Variants in SPAG16 observed in about 807,000 individuals in gnomAD.
SPAG16 encodes sperm-associated antigen 16 protein.
SPAG16 carries 86 observed loss-of-function variants against 80.4 expected under a neutral mutation model. The ratio of observed to expected loss-of-function variants is 1.07; its 90% confidence interval spans 0.90 to 1.28. SPAG16 has a LOEUF of 1.28. Among genes scored for constraint, SPAG16 ranks in the 50% most tolerant of loss-of-function variants. The pLI is 0.00. For missense variants in SPAG16, 870 were observed against 765.3 expected, an observed-to-expected ratio of 1.14 and a Z score of -1.61; for synonymous variants, 294 against 265.9, an observed-to-expected ratio of 1.11 and a Z score of -1.03.
At chr2:213,340,667 A>T (rs1208348988) in intron 6 of SPAG16, among the ~76,000 whole-genome samples, 1 of 152,168 alleles carries the variant, frequency 6.6e-6, no homozygotes, top group Non-Finnish European at 1.5e-5. Flanking sequence ...ACATGAAAAA[A>T]CATGTTACGT....
At chr2:213,925,242 T>G (rs1207786031) in intron 11 of SPAG16, among the ~76,000 whole-genome samples, 3 of 152,228 alleles carry the variant, frequency 2.0e-5, no homozygotes, top group Non-Finnish European at 4.4e-5. Flanking sequence ...GTTTGCTCAC[T>G]ATTTCTTCCC....
intron 12 of SPAG16, among the ~76,000 whole-genome samples, chr2:213,965,554 G>T (rs1053050520): frequency 5.9e-5 from 9 of 152,146 alleles, no homozygotes; most frequent in African/African-American, 2.2e-4. Context: ...AGTGAGCTTT[G>T]GTGTGACCAG....
At chr2:213,940,320 C>T (rs959988306) in intron 12 of SPAG16, among the ~76,000 whole-genome samples, 2 of 152,114 alleles carry the variant, frequency 1.3e-5, no homozygotes, top group African/African-American at 4.8e-5. Context: ...GAGATGACAT[C>T]TTGCTGTGTT....
intron 9 of SPAG16, among the ~76,000 whole-genome samples, chr2:213,402,575 C>G (rs952684628): frequency 8.6e-5 from 13 of 150,836 alleles, no homozygotes; most frequent in South Asian, 2.1e-4. Flanking sequence ...ATCCCTCCCC[C>G]CTCCCCACAC....
At chr2:213,913,079 GATAT>G (rs2077752170) in intron 11 of SPAG16, among the ~76,000 whole-genome samples, 1 of 151,888 alleles carries the variant, frequency 6.6e-6, no homozygotes, top group Non-Finnish European at 1.5e-5. Flanking sequence ...CATATATAAT[GATAT>G]ATATAGTATA....
At chr2:214,081,312 A>G (rs562978659) in intron 13 of SPAG16, among the ~76,000 whole-genome samples, 11 of 152,136 alleles carry the variant, frequency 7.2e-5, no homozygotes, top group Non-Finnish European at 1.6e-4. Flanking sequence ...CCCAAAAGAT[A>G]TGTTCAAATC....
chr2:214,275,462 A>C (rs1055475666), intron 15 of SPAG16, among the ~76,000 whole-genome samples: 5 of 152,212 alleles, frequency 3.3e-5, no homozygotes, highest in Non-Finnish European at 5.9e-5. Flanking sequence ...ACACTGCTTT[A>C]AATGTGTCCC....
intron 4 of SPAG16, 72 bp downstream of exon 4, chr2:213,310,249 G>T: frequency 2.0e-6 from 2 of 1,020,152 alleles, no homozygotes; most frequent in Non-Finnish European, 1.4e-6. Flanking sequence ...AAGTGTCTTA[G>T]GAGACTTTGA....
intron 10 of SPAG16, among the ~76,000 whole-genome samples, chr2:213,587,831 G>A (rs1312206587): frequency 6.6e-6 from 1 of 151,932 alleles, no homozygotes; most frequent in African/African-American, 2.4e-5. Flanking sequence ...AAGACAATTC[G>A]GCCAAGTTGT....
At chr2:214,346,635 T>C (rs1698071794) in intron 15 of SPAG16, among the ~76,000 whole-genome samples, 2 of 152,210 alleles carry the variant, frequency 1.3e-5, no homozygotes, top group Admixed American at 6.5e-5. Context: ...TAAAAGGCCA[T>C]GCATTAGCCA....
At chr2:214,173,165 C>G (rs1421456303) in intron 15 of SPAG16, among the ~76,000 whole-genome samples, 1 of 152,038 alleles carries the variant, frequency 6.6e-6, no homozygotes, top group Non-Finnish European at 1.5e-5. Context: ...GACATGAAGT[C>G]CTTGCCCATG....
chr2:214,326,531 T>G (rs16851786), intron 15 of SPAG16, among the ~76,000 whole-genome samples: 9,836 of 140,084 alleles, frequency 0.07, 1,033 homozygotes, highest in African/African-American at 0.22. Context: ...ACAGCTGAAG[T>G]AGGACAGATA....
At chr2:213,588,524 C>T (rs1376566887) in intron 10 of SPAG16, among the ~76,000 whole-genome samples, 1 of 151,052 alleles carries the variant, frequency 6.6e-6, no homozygotes. Context: ...TATCCATGGC[C>T]GGGCGCGGTG....
At chr2:214,135,743 C>G (rs1022314527) in intron 14 of SPAG16, among the ~76,000 whole-genome samples, 1 of 151,836 alleles carries the variant, frequency 6.6e-6, no homozygotes, top group East Asian at 2.0e-4. Context: ...CTCTCTCTCT[C>G]TCTCTCACTC....
chr2:213,449,777 C>T (rs2071577754), intron 9 of SPAG16, among the ~76,000 whole-genome samples: 1 of 151,946 alleles, frequency 6.6e-6, no homozygotes, highest in African/African-American at 2.4e-5. Context: ...CACATACACC[C>T]TGTGAACCTA....
At chr2:213,935,383 A>T (rs2078945314) in intron 12 of SPAG16, among the ~76,000 whole-genome samples, 1 of 152,076 alleles carries the variant, frequency 6.6e-6, no homozygotes, top group Non-Finnish European at 1.5e-5. Context: ...AAGTGTTCTC[A>T]AATTATTTGA....
intron 14 of SPAG16, among the ~76,000 whole-genome samples, chr2:214,110,490 T>G (rs1259577672): frequency 6.6e-6 from 1 of 152,212 alleles, no homozygotes; most frequent in African/African-American, 2.4e-5. Context: ...GGCTGCATAG[T>G]ATTCCATGTT....
In SPAG16 at chr2:214,071,957, T is replaced by G. The variant is rs185798484; in HGVS notation, c.1528-36239T>G. Among the ~76,000 whole-genome samples the G allele has an allele frequency of 7.9e-4, 121 of 152,288 alleles. 1 individual carries two copies. Among genetic ancestry groups the G allele is most frequent in the Admixed American group, 1.4e-3 (22 of 15,278 alleles). On this transcript the variant is annotated intron_variant, in intron 13 of 15. Transcript: ENST00000331683. ...GTTTAGGTTTTAAAAATTAGTGAAA[T>G]TTCTCATTGGTTTCAAAATAAATTA... is the stretch of plus-strand genomic sequence containing the variant.
chr2:213,320,435 T>C (rs1024345507), intron 5 of SPAG16, among the ~76,000 whole-genome samples: 1 of 151,992 alleles, frequency 6.6e-6, no homozygotes, highest in African/African-American at 2.4e-5. Context: ...TCTAACTATT[T>C]TGAAATAGAT....
Sources: gnomAD v4.1 joint callset for allele counts (sites outside exome capture counted in the v4.1 genomes callset) on GRCh38, gnomAD v4.1.1 for gene constraint, MANE v1.5 for transcripts, NCBI Gene and HGNC (gene_info 2026-07-23, HGNC 2026-07-21) for gene names.